Variants in CACHD1 observed in about 807,000 individuals in gnomAD.
The protein encoded by CACHD1 is cache domain containing 1, also known as VWFA and cache domain-containing protein 1.
CACHD1 carries 71 observed loss-of-function variants against 138.7 expected under a neutral mutation model. That is an observed-to-expected ratio of 0.51 (90% confidence interval 0.42 to 0.62). CACHD1 has a LOEUF of 0.62. Ranked by LOEUF, CACHD1 falls within the 20% of genes least tolerant of loss-of-function variation. The pLI is 0.00. For missense variants in CACHD1, 1,389 were observed against 1,625.3 expected (o/e 0.85, Z 2.50); for synonymous variants, 578 against 591.5 (o/e 0.98, Z 0.33).
intron 2 of CACHD1, among the ~76,000 whole-genome samples, chr1:64,558,278 C>T (rs1023358094): frequency 4.6e-5 from 7 of 152,214 alleles, no homozygotes; most frequent in Admixed American, 1.3e-4. Flanking sequence ...TGGAATAGCA[C>T]GCTTGCCTCC....
intron 3 of CACHD1, among the ~76,000 whole-genome samples, chr1:64,598,416 A>T (rs559975372): frequency 6.6e-6 from 1 of 152,328 alleles, no homozygotes; most frequent in South Asian, 2.1e-4. Context: ...AATACAGTAG[A>T]TGTTCAATGA....
rs749969190 is a variant in CACHD1, at chr1:64,664,592, G to A, written c.2189G>A (p.Arg730His). 20 of 1,614,094 alleles carry A rather than the reference G, an allele frequency of 1.2e-5. No individual in the cohort carries two copies. The highest frequency in any genetic ancestry group is 1.2e-4 in the South Asian group (11 of 91,082). Residue 730 changes from arginine (R) to histidine (H), a missense_variant, in exon 15 of 27, where the codon CGC (arginine) becomes CAC (histidine). Physicochemically the swap from Arg to His is conservative, Grantham distance 29. Around this residue, in one of 5 missense-constraint regions of CACHD1, gnomAD observed 1,000 missense variants for 1,114.7 expected, o/e 0.90. Coordinates refer to ENST00000651257, the MANE Select transcript of CACHD1 (RefSeq NM_020925.4). ...EMSSLNTYIVRRYIATPNGVL... is the reference protein window; with the variant it reads ...EMSSLNTYIVHRYIATPNGVL... ...AGTAGCCTGAACACTTACATTGTCC[G>A]CCGTTACATAGCAACACCCAATGGC...
chr1:64,470,922 C>T lies in CACHD1; in HGVS notation c.178C>T (p.Leu60=), dbSNP rs201850964. The part of the protein sequence containing the change: ...SQMRRLAAEE[L]GVVTMQRIFN... Reference sequence around the variant, plus strand: ...GATGCGGAGGCTGGCGGCCGAGGAGCTGGGGGTCGTCACCATGCAGGTAAG... The same window carrying T: ...GATGCGGAGGCTGGCGGCCGAGGAGTTGGGGGTCGTCACCATGCAGGTAAG... The change falls in exon 1 of 27, where the codon CTG becomes TTG. Residue 60 remains leucine, a synonymous_variant. Transcript: ENST00000651257. This position sits in a 1 kb window ranked among gnomAD's most constrained non-coding sequence, Gnocchi z 5.2. 269 of 1,605,484 alleles carry T rather than the reference C, an allele frequency of 1.7e-4. 5 individuals carry two copies. In the East Asian group the frequency reaches 5.8e-3, roughly 35 times the overall value.
Position 64,668,305 on chromosome 1 carries a change from C to T in CACHD1, c.2387+2138C>T, listed in dbSNP as rs138352765. 6.6e-3 allele frequency among the ~76,000 whole-genome samples: 944 copies of T among 143,530 alleles called. 19 individuals carry two copies. The East Asian group carries it at 0.074, about 11-fold the overall frequency. The allele number at this position is 143,530 out of a possible 152,430, so 94.2% of individuals were successfully genotyped here. A position where few individuals can be genotyped will look rare whatever the true frequency, so the allele number is the denominator to read the frequency against. The stretch of plus-strand genomic sequence containing the variant: ...TCGTACCACTGCACTCCAGCCTGGG[C>T]GACAGAGCAAGACTGCATCTCAAAA... On this transcript the variant is annotated intron_variant, in intron 16 of 26. Transcript: ENST00000651257.
intron 2 of CACHD1, among the ~76,000 whole-genome samples, chr1:64,553,770 A>AT (rs910302619): frequency 6.6e-6 from 1 of 151,970 alleles, no homozygotes; most frequent in Non-Finnish European, 1.5e-5. Context: ...ATTCCCTTGC[A>AT]TTTTTTTGTT....
chr1:64,536,973 A>C (rs933688830), intron 1 of CACHD1, among the ~76,000 whole-genome samples: 1 of 152,170 alleles, frequency 6.6e-6, no homozygotes, highest in African/African-American at 2.4e-5. Flanking sequence ...GTTCTGGGTT[A>C]CACACATCTG....
chr1:64,509,424 C>G (rs560254176), intron 1 of CACHD1, among the ~76,000 whole-genome samples: 6 of 152,166 alleles, frequency 3.9e-5, no homozygotes, highest in African/African-American at 4.8e-5. Flanking sequence ...TTAATCCTTT[C>G]TTTGGCTTCA....
At chr1:64,545,073 T>C (rs1308524212) in intron 1 of CACHD1, among the ~76,000 whole-genome samples, 2 of 152,198 alleles carry the variant, frequency 1.3e-5, no homozygotes, top group Non-Finnish European at 2.9e-5. Flanking sequence ...TTTCTTTGAG[T>C]TTTTATAATA....
At chr1:64,636,035 C>T (rs4367809) in intron 7 of CACHD1, among the ~76,000 whole-genome samples, 148,814 of 151,740 alleles carry the variant, frequency 0.98, 73,060 homozygotes, top group East Asian at 1. Context: ...TGCTTGAACC[C>T]GGGAAGTGGA....
At position 64,669,309 on chromosome 1, in the gene CACHD1, C is replaced by T. The variant is rs566888278; in HGVS notation, c.2388-2255C>T. Among the ~76,000 whole-genome samples the T allele has an allele frequency of 7.9e-5, 12 of 152,222 alleles. No homozygotes were observed. The South Asian group carries it at 2.5e-3, about 32-fold the overall frequency. On this transcript the variant is annotated intron_variant, in intron 16 of 26. Coordinates refer to ENST00000651257, the MANE Select transcript of CACHD1 (RefSeq NM_020925.4). ...AAGAGGTCGAGTCCCAAATAAATGG[C>T]AGTTATTTTTATCATGCTATTTTTG...
intron 1 of CACHD1, 24 bp from the exon 2 acceptor site, chr1:64,550,570 A>T (rs770849802): frequency 1.1e-5 from 17 of 1,551,946 alleles, no homozygotes; most frequent in Non-Finnish European, 1.5e-5. Flanking sequence ...AGAAAATCTC[A>T]TGTTCATTTT....
chr1:64,639,685 G>T (rs1240711527), intron 7 of CACHD1, among the ~76,000 whole-genome samples: 1 of 152,198 alleles, frequency 6.6e-6, no homozygotes, highest in African/African-American at 2.4e-5. Context: ...AATCTAAAAT[G>T]GAAATGTATA....
rs1570372376 is a variant in CACHD1 at position 64,566,478 on chromosome 1, T to TCCC, written c.262-15678_262-15677insCCC. 8.0e-4 allele frequency among the ~76,000 whole-genome samples: 4 copies of TCCC among 4,994 alleles called. 1 individual carries two copies. The highest frequency in any genetic ancestry group is 0.026 in the South Asian group (1 of 38). The allele number at this position is 4,994 out of a possible 152,430, so 3.3% of individuals were successfully genotyped here. The stretch of plus-strand genomic sequence containing the variant: ...TCAGTGCTCCACTGTATGTTTTCAA[T>TCCC]TCCCCCCCCCCCACAAGGTATGGGG... On this transcript the variant is annotated intron_variant, in intron 2 of 26. Transcript: ENST00000651257.
At chr1:64,498,459 C>T (rs1311003133) in intron 1 of CACHD1, among the ~76,000 whole-genome samples, 2 of 152,154 alleles carry the variant, frequency 1.3e-5, no homozygotes, top group Admixed American at 1.3e-4. Context: ...TGCATCTTTA[C>T]TTTTGTGCAG....
chr1:64,558,066 G>A lies in CACHD1; in HGVS notation c.261+7410G>A, dbSNP rs531848587. Among the ~76,000 whole-genome samples, 4 of 152,158 alleles carry A rather than the reference G, an allele frequency of 2.6e-5. No individual in the cohort carries two copies. In the South Asian group the frequency reaches 8.3e-4, roughly 32 times the overall value. ...CCCACCTCGGCCTCCCAAAGTGCTG[G>A]GATTACAGGCATGAGCCACCACACC... On this transcript the variant is annotated intron_variant, in intron 2 of 26. Coordinates refer to ENST00000651257, the MANE Select transcript of CACHD1 (RefSeq NM_020925.4).
chr1:64,555,321 A>C lies in CACHD1; in HGVS notation c.261+4665A>C, dbSNP rs138816014. Among the ~76,000 whole-genome samples, 34 of 152,034 alleles carry C rather than the reference A, an allele frequency of 2.2e-4. No individual in the cohort carries two copies. The East Asian group carries it at 6.4e-3, about 29-fold the overall frequency. ...TATCTTTTAAAGAATTAACGTTTTAATTTTAACTCAGTTTTTTAAAAAATC... is the reference window on the plus strand; with the variant it reads ...TATCTTTTAAAGAATTAACGTTTTACTTTTAACTCAGTTTTTTAAAAAATC... On this transcript the variant is annotated intron_variant, in intron 2 of 26. Coordinates refer to ENST00000651257, the MANE Select transcript of CACHD1 (RefSeq NM_020925.4).
At chr1:64,662,388 T>C (rs7517300) in intron 13 of CACHD1, among the ~76,000 whole-genome samples, 28,685 of 152,160 alleles carry the variant, frequency 0.19, 4,223 homozygotes, top group East Asian at 0.63. Flanking sequence ...AATTGGGAAC[T>C]GTTTCCAACA....
chr1:64,585,375 T>C (rs998328890), intron 3 of CACHD1, among the ~76,000 whole-genome samples: 5 of 152,228 alleles, frequency 3.3e-5, no homozygotes, highest in African/African-American at 1.2e-4. Flanking sequence ...TTTTTGTTAA[T>C]ACAATCAAGC....
chr1:64,515,040 A>G (rs1198841041), intron 1 of CACHD1, among the ~76,000 whole-genome samples: 1 of 152,110 alleles, frequency 6.6e-6, no homozygotes, highest in East Asian at 1.9e-4. Flanking sequence ...CATCCATGTG[A>G]TTTTGGTCAT....
Sources: allele counts gnomAD v4.1 joint callset (sites outside exome capture counted in the v4.1 genomes callset), GRCh38; gene constraint gnomAD v4.1.1; regional missense constraint gnomAD v4.1.1; non-coding constraint Gnocchi (gnomAD v3.1); transcripts MANE v1.5; gene names NCBI Gene and HGNC (gene_info 2026-07-23, HGNC 2026-07-21).